Variants in ARFGAP1 observed in about 807,000 individuals in gnomAD.
ARFGAP1 encodes the protein ARF GTPase activating protein 1, also known as ADP-ribosylation factor GTPase-activating protein 1.
ARFGAP1 carries 26 observed loss-of-function variants against 54.0 expected under a neutral mutation model. The ratio of observed to expected loss-of-function variants is 0.48; its 90% CI spans 0.35 to 0.67. The LOEUF is 0.67. ARFGAP1 is among the 30% of genes least tolerant of loss of function. The probability of loss-of-function intolerance (pLI) is 0.00; values close to 1 mark genes in which losing one functional copy is unlikely to be tolerated. For synonymous variants in ARFGAP1, 248 were observed against 211.9 expected (o/e 1.17, Z -1.48); for missense variants, 525 against 535.8 (o/e 0.98, Z 0.20).
chr20:63,280,309 G>C (rs1029677831), intron 7 of ARFGAP1, among the ~76,000 whole-genome samples: 1 of 152,152 alleles, frequency 6.6e-6, no homozygotes, highest in Non-Finnish European at 1.5e-5. Flanking sequence ...GACGGGTCTT[G>C]CTCTGTTGCC....
At chr20:63,281,102 G>A (rs998446499) in intron 7 of ARFGAP1, among the ~76,000 whole-genome samples, 189 bp from the exon 8 acceptor site, 2 of 152,196 alleles carry the variant, frequency 1.3e-5, no homozygotes, top group African/African-American at 4.8e-5. Flanking sequence ...TAGAGGGTGC[G>A]TTTCTGTTGT....
In ARFGAP1 at chr20:63,288,425, C is replaced by T. The variant is rs998169732; in HGVS notation, c.*552C>T. On this transcript the variant is annotated 3_prime_UTR_variant, in exon 13 of 13. Coordinates refer to ENST00000370283, the MANE Select transcript of ARFGAP1 (RefSeq NM_018209.4). ...GCTCCCGAGTCCACGCCTGCCTGGG[C>T]CTGTGCTGTCAGACCCGCGTCGGTC... The T allele has an allele frequency of 6.6e-6, 3 of 456,074 alleles. No individual in the cohort carries two copies. Among genetic ancestry groups the T allele is most frequent in the African/African-American group, 4.0e-5 (2 of 50,082 alleles). 28.3% of individuals were successfully genotyped at this position (456,074 alleles called of 1,614,324 possible).
chr20:63,288,830 T>C lies in ARFGAP1; in HGVS notation c.*957T>C. 3.1e-6 allele frequency: 1 copy of C among 320,766 alleles called. No individual in the cohort carries two copies. The highest frequency in any genetic ancestry group is 6.2e-6 in the Non-Finnish European group (1 of 160,976). 19.9% of individuals were successfully genotyped at this position (320,766 alleles called of 1,614,324 possible). ...GCTGCCACGTGTGACTCGTCTCCCT[T>C]GTCTGCCCTGTGTGACCCTCAGTCT... On this transcript the variant is annotated 3_prime_UTR_variant, in exon 13 of 13. Coordinates refer to ENST00000370283, the MANE Select transcript of ARFGAP1 (RefSeq NM_018209.4).
chr20:63,281,023 G>A (rs1055776609), intron 7 of ARFGAP1, among the ~76,000 whole-genome samples: 1 of 152,164 alleles, frequency 6.6e-6, no homozygotes, highest in African/African-American at 2.4e-5. Flanking sequence ...CTTGCTTCTT[G>A]AGGGTGGTGG....
intron 7 of ARFGAP1, among the ~76,000 whole-genome samples, chr20:63,280,613 C>T (rs112477890): frequency 0.056 from 8,581 of 152,334 alleles, 326 homozygotes; most frequent in Middle Eastern, 0.11. Flanking sequence ...TGGCCGCTGA[C>T]GGCCATGGTT....
chr20:63,281,114 C>T (rs1212329175), intron 7 of ARFGAP1, among the ~76,000 whole-genome samples, 177 bp from the exon 8 acceptor site: 1 of 152,124 alleles, frequency 6.6e-6, no homozygotes, highest in East Asian at 1.9e-4. Context: ...TTCTGTTGTG[C>T]CCTGGGTCCA....
At chr20:63,283,984 CAT>C (rs1601360223) in intron 9 of ARFGAP1, 12 of 1,552,784 alleles carry the variant, frequency 7.7e-6, no homozygotes, top group Admixed American at 3.5e-5. Flanking sequence ...TGTCACCTCA[CAT>C]GTGCGCACGC....
intron 6 of ARFGAP1, chr20:63,278,473 G>C (rs1205847499): frequency 8.1e-6 from 4 of 491,616 alleles, no homozygotes; most frequent in Non-Finnish European, 1.5e-5. Flanking sequence ...GTGTGAATTG[G>C]GGGTCTTGGG....
At chr20:63,279,306 G>T (rs6090340) in intron 7 of ARFGAP1, 1 of 463,974 alleles carries the variant, frequency 2.2e-6, no homozygotes, top group Non-Finnish European at 4.1e-6. Context: ...CCCAGGTTCA[G>T]GTGATTCTCC....
rs748820642 is a variant in ARFGAP1, at chr20:63,284,919, G to C, written c.771G>C (p.Glu257Asp). Residue 257 changes from glutamate (E) to aspartate (D), a missense_variant, in exon 10 of 13, where the codon GAG becomes GAC. Glu to Asp is a conservative substitution (Grantham distance 45). Transcript: ENST00000370283. ...LNENVLKPAQ[E>D]KVKEGKIFDD... ...AGAACGTCCTCAAGCCTGCGCAGGA[G>C]AAGGTAACGGGCAGCTCCGGGTGGT... The C allele has an allele frequency of 1.2e-6, 2 of 1,613,340 alleles. No homozygotes were observed. The highest frequency in any genetic ancestry group is 1.1e-5 in the South Asian group (1 of 91,074).
rs1011578730 is a variant in ARFGAP1, at chr20:63,288,447, G to C, written c.*574G>C. 6.6e-6 allele frequency: 3 copies of C among 455,928 alleles called. No homozygotes were observed. Among genetic ancestry groups the C allele is most frequent in the South Asian group, 1.5e-5 (1 of 64,560 alleles). 28.2% of individuals were successfully genotyped at this position (455,928 alleles called of 1,614,324 possible). ...GGGCCTGTGCTGTCAGACCCGCGTCGGTCGTAACCCTCTGTGGCTCCCCTG... is the reference window on the plus strand; with the variant it reads ...GGGCCTGTGCTGTCAGACCCGCGTCCGTCGTAACCCTCTGTGGCTCCCCTG... On this transcript the variant is annotated 3_prime_UTR_variant, in exon 13 of 13. Coordinates refer to ENST00000370283, the MANE Select transcript of ARFGAP1 (RefSeq NM_018209.4).
chr20:63,286,430 G>T lies in ARFGAP1; in HGVS notation c.899G>T (p.Gly300Val). 1 of 1,613,436 alleles carries T rather than the reference G, an allele frequency of 6.2e-7. No homozygotes were observed. The highest frequency in any genetic ancestry group is 8.5e-7 in the Non-Finnish European group (1 of 1,179,958). The change falls in exon 12 of 13, where the codon GGC becomes GTC. Residue 300 changes from glycine (G) to valine (V), a missense_variant. This residue lies in a region of ARFGAP1 where 466 missense variants were observed against 453.6 expected (regional missense o/e 1.03). Transcript: ENST00000370283. ...ACCTTTTTTTCGGGGAAAGCAGAGGGCCCCTTGGACAGGTATGCTGTGTCC... is the reference window on the plus strand; with the variant it reads ...ACCTTTTTTTCGGGGAAAGCAGAGGTCCCCTTGGACAGGTATGCTGTGTCC... ...VTTFFSGKAEGPLDSPSEGHS... is the reference protein window; with the variant it reads ...VTTFFSGKAEVPLDSPSEGHS...
In ARFGAP1 at chr20:63,276,535, A is replaced by C; in HGVS notation, c.226A>C (p.Lys76Gln). 6.2e-7 allele frequency: 1 copy of C among 1,614,082 alleles called. No homozygotes were observed. Among genetic ancestry groups the C allele is most frequent in the Non-Finnish European group, 8.5e-7 (1 of 1,179,984 alleles). Residue 76 changes from lysine to glutamine, a missense_variant, in exon 4 of 13, where the codon AAA becomes CAA. Coordinates refer to ENST00000370283, the MANE Select transcript of ARFGAP1 (RefSeq NM_018209.4). This position sits in a 1 kb window ranked among gnomAD's most constrained non-coding sequence, Gnocchi z 5.2. ...KWKDIELEKM[K>Q]AGGNAKFREF... ...GAAGGACATTGAGCTTGAGAAGATG[A>C]AAGCTGGTGGGAATGCTAAGTTCCG...
chr20:63,285,269 C>G (rs1249695330), intron 10 of ARFGAP1, among the ~76,000 whole-genome samples: 1 of 152,160 alleles, frequency 6.6e-6, no homozygotes, highest in Non-Finnish European at 1.5e-5. Flanking sequence ...CGGAGCTGTG[C>G]CCAGAGGAGG....
At chr20:63,285,861 G>A (rs1488663730) in intron 11 of ARFGAP1, 148 bp downstream of exon 11, 2 of 1,440,152 alleles carry the variant, frequency 1.4e-6, no homozygotes, top group East Asian at 4.7e-5. Flanking sequence ...GAGCTGCCCA[G>A]CCTGACAGCC....
chr20:63,279,810 C>T (rs1473191450), intron 7 of ARFGAP1, among the ~76,000 whole-genome samples: 2 of 152,184 alleles, frequency 1.3e-5, no homozygotes, highest in African/African-American at 4.8e-5. Context: ...CATTTTGTTC[C>T]ACTTTCTTTT....
At chr20:63,283,941 C>T (rs1261210160) in intron 9 of ARFGAP1, 6 of 1,606,118 alleles carry the variant, frequency 3.7e-6, no homozygotes, top group East Asian at 4.5e-5. Flanking sequence ...TGCTTGGCTT[C>T]CTCTGTCCCT....
intron 10 of ARFGAP1, 30 bp from the exon 11 acceptor site, chr20:63,285,624 C>A (rs1228850878): frequency 1.2e-6 from 2 of 1,609,962 alleles, no homozygotes; most frequent in Non-Finnish European, 1.7e-6. Context: ...TCTCCCGCCC[C>A]CATTAATGCC....
chr20:63,277,472 G>C (rs1480310968), intron 5 of ARFGAP1, among the ~76,000 whole-genome samples, 167 bp downstream of exon 5: 1 of 152,220 alleles, frequency 6.6e-6, no homozygotes, highest in East Asian at 1.9e-4. Flanking sequence ...CAAGCTTTTA[G>C]TAAATTTAGA....
Sources: gnomAD v4.1 joint callset for allele counts (sites outside exome capture counted in the v4.1 genomes callset) on GRCh38, gnomAD v4.1.1 for gene constraint, gnomAD v4.1.1 regional missense constraint, Gnocchi (gnomAD v3.1) non-coding constraint, MANE v1.5 for transcripts, NCBI Gene and HGNC (gene_info 2026-07-23, HGNC 2026-07-21) for gene names.